The following MAGI2 variants were observed in gnomAD, a reference collection of about 807,000 sequenced individuals.
The protein encoded by MAGI2 is membrane-associated guanylate kinase, WW and PDZ domain-containing protein 2.
A neutral mutation model predicts 133.3 loss-of-function variants in MAGI2; 35 were observed. That is an observed-to-expected ratio of 0.26 (90% CI 0.20 to 0.35). The LOEUF (loss-of-function observed/expected upper bound fraction) is 0.35. Among genes scored for constraint, MAGI2 ranks in the 10% least tolerant of loss-of-function variants. MAGI2 has a pLI of 1.00. For synonymous variants in MAGI2, 729 were observed against 710.6 expected (o/e 1.03, Z -0.41); for missense variants, 1,636 against 1,863.4 (o/e 0.88, Z 2.25).
At chr7:78,098,614 TAGC>T (rs1817930061) in intron 20 of MAGI2, among the ~76,000 whole-genome samples, 1 of 152,158 alleles carries the variant, frequency 6.6e-6, no homozygotes, top group African/African-American at 2.4e-5. Context: ...TCTATATACA[TAGC>T]AGTGGAGTTG....
rs184286820 is a variant in MAGI2 at position 78,235,278 on chromosome 7, G to A, written c.2047+20665C>T. Among the ~76,000 whole-genome samples, 4 of 152,158 alleles carry A rather than the reference G, an allele frequency of 2.6e-5. No homozygotes were observed. The East Asian group carries it at 7.7e-4, about 29-fold the overall frequency. On this transcript the variant is annotated intron_variant, in intron 10 of 21. Transcript: ENST00000354212. The stretch of plus-strand genomic sequence containing the variant: ...TTGCTACTGCCATGTTTTATCTAAG[G>A]TTAGTAAATTTTGGGCTGCATGCTC...
intron 2 of MAGI2, among the ~76,000 whole-genome samples, chr7:78,895,798 T>C (rs1797169678): frequency 6.6e-6 from 1 of 152,232 alleles, no homozygotes; most frequent in Non-Finnish European, 1.5e-5. Flanking sequence ...ATCTCTGTTA[T>C]TACTGACTTA....
intron 2 of MAGI2, among the ~76,000 whole-genome samples, chr7:78,734,989 AC>A (rs1301859375): frequency 3.9e-5 from 6 of 152,124 alleles, no homozygotes; most frequent in African/African-American, 1.4e-4. Flanking sequence ...CTGATACATA[AC>A]TTTTCTGTGT....
intron 1 of MAGI2, among the ~76,000 whole-genome samples, chr7:79,020,360 T>C (rs776806438): frequency 6.6e-6 from 1 of 152,174 alleles, no homozygotes; most frequent in Non-Finnish European, 1.5e-5. Context: ...AAGTTATGTT[T>C]AAAATGGAAG....
chr7:78,640,246 A>C (rs1039841609), intron 2 of MAGI2, among the ~76,000 whole-genome samples: 5 of 152,186 alleles, frequency 3.3e-5, no homozygotes, highest in African/African-American at 4.8e-5. Flanking sequence ...CTCCTGCTGG[A>C]AATTTTTCCA....
intron 4 of MAGI2, among the ~76,000 whole-genome samples, chr7:78,508,588 C>T (rs1344025446): frequency 2.6e-5 from 4 of 152,194 alleles, no homozygotes; most frequent in Admixed American, 2.6e-4. Flanking sequence ...ACACGCCAAC[C>T]AAGCTTGCCT....
At chr7:79,399,523 C>T (rs1283366124) in intron 1 of MAGI2, among the ~76,000 whole-genome samples, 1 of 152,054 alleles carries the variant, frequency 6.6e-6, no homozygotes, top group African/African-American at 2.4e-5. Flanking sequence ...AGATTAGGTA[C>T]AATCATTATA....
rs560305090 is a variant in MAGI2 at position 78,748,056 on chromosome 7, C to G, written c.419-120817G>C. ...TCAGAGTTATAATTTCTTTTAACAT[C>G]AGCTTTTAACCAGCTTCACAAAAGA... On this transcript the variant is annotated intron_variant, in intron 2 of 21. Coordinates refer to ENST00000354212, the MANE Select transcript of MAGI2 (RefSeq NM_012301.4). Among the ~76,000 whole-genome samples, 7 of 152,138 alleles carry G rather than the reference C, an allele frequency of 4.6e-5. No homozygotes were observed. The South Asian group carries it at 1.4e-3, about 32-fold the overall frequency.
intron 1 of MAGI2, among the ~76,000 whole-genome samples, chr7:79,269,492 A>G (rs1484208281): frequency 6.6e-6 from 1 of 152,198 alleles, no homozygotes; most frequent in Non-Finnish European, 1.5e-5. Flanking sequence ...TGGAAAAAAT[A>G]AAAATAAATA....
At chr7:78,448,267 T>G (rs1788356911) in intron 6 of MAGI2, among the ~76,000 whole-genome samples, 1 of 152,060 alleles carries the variant, frequency 6.6e-6, no homozygotes, top group Non-Finnish European at 1.5e-5. Flanking sequence ...GACAAGCTGA[T>G]TTCGTTTCCT....
At chr7:78,139,773 A>G (rs900963295) in intron 16 of MAGI2, among the ~76,000 whole-genome samples, 1 of 152,262 alleles carries the variant, frequency 6.6e-6, no homozygotes, top group African/African-American at 2.4e-5. Context: ...GTCACTAGTC[A>G]GAAATTTCCT....
At chr7:78,463,890 G>C (rs111936791) in intron 6 of MAGI2, among the ~76,000 whole-genome samples, 1 of 151,986 alleles carries the variant, frequency 6.6e-6, no homozygotes, top group Non-Finnish European at 1.5e-5. Context: ...GGAAGGAAGG[G>C]GGAATGAAAG....
At chr7:79,144,928 G>A (rs894232048) in intron 1 of MAGI2, among the ~76,000 whole-genome samples, 3 of 152,118 alleles carry the variant, frequency 2.0e-5, no homozygotes, top group African/African-American at 7.2e-5. Flanking sequence ...GTCAGGAAAT[G>A]TGCTGCTGCT....
chr7:78,562,862 TG>T (rs1327089677), intron 3 of MAGI2, among the ~76,000 whole-genome samples: 1 of 152,226 alleles, frequency 6.6e-6, no homozygotes, highest in Non-Finnish European at 1.5e-5. Flanking sequence ...TCTAGTCTTC[TG>T]CTACTGAATT....
chr7:79,356,805 A>G (rs190613258), intron 1 of MAGI2, among the ~76,000 whole-genome samples: 82 of 152,306 alleles, frequency 5.4e-4, no homozygotes, highest in Non-Finnish European at 7.6e-4. Flanking sequence ...ACTAAATACT[A>G]GACACATCAC....
intron 6 of MAGI2, among the ~76,000 whole-genome samples, chr7:78,431,870 A>C (rs1314911189): frequency 6.6e-6 from 1 of 152,078 alleles, no homozygotes; most frequent in African/African-American, 2.4e-5. Context: ...TGAAATCCAT[A>C]AGAAAATTAC....
intron 1 of MAGI2, among the ~76,000 whole-genome samples, chr7:79,181,517 G>A (rs987189071): frequency 6.6e-6 from 1 of 151,856 alleles, no homozygotes; most frequent in Non-Finnish European, 1.5e-5. Flanking sequence ...AGAAACCCTG[G>A]GCCCGGCCCA....
intron 12 of MAGI2, among the ~76,000 whole-genome samples, chr7:78,189,077 A>G (rs997043610): frequency 1.3e-5 from 2 of 152,202 alleles, no homozygotes; most frequent in Non-Finnish European, 2.9e-5. Flanking sequence ...TGCAAACTAC[A>G]ACTCTTGCTC....
chr7:79,324,241 A>C (rs1037201773), intron 1 of MAGI2, among the ~76,000 whole-genome samples: 13 of 151,096 alleles, frequency 8.6e-5, no homozygotes, highest in African/African-American at 3.2e-4. Context: ...GTTTTGTTCC[A>C]ATTTTAGTGT....
Sources: gnomAD v4.1 joint callset for allele counts (sites outside exome capture counted in the v4.1 genomes callset) on GRCh38, gnomAD v4.1.1 for gene constraint, MANE v1.5 for transcripts, NCBI Gene and HGNC (gene_info 2026-07-23, HGNC 2026-07-21) for gene names.